The following CFAP54 variants were observed in gnomAD, a reference collection of about 807,000 sequenced individuals.
CFAP54 encodes the protein cilia- and flagella-associated protein 54.
A neutral mutation model predicts 370.4 loss-of-function variants in CFAP54; 290 were observed. The ratio of observed to expected loss-of-function variants is 0.78; its 90% confidence interval spans 0.71 to 0.86. The LOEUF is 0.86. Ranked by LOEUF, CFAP54 falls within the 40% of genes least tolerant of loss-of-function variation. CFAP54 has a pLI of 0.00. For missense variants in CFAP54, 3,399 were observed against 3,528.7 expected, an observed-to-expected ratio of 0.96 and a Z score of 0.93; for synonymous variants, 1,206 against 1,236.5, an observed-to-expected ratio of 0.98 and a Z score of 0.52.
At chr12:96,869,187 T>G (rs1463410251) in intron 67 of CFAP54, among the ~76,000 whole-genome samples, 1 of 152,242 alleles carries the variant, frequency 6.6e-6, no homozygotes, top group African/African-American at 2.4e-5. Flanking sequence ...GGAATGTTTT[T>G]ATTGACCTTA....
intron 19 of CFAP54, among the ~76,000 whole-genome samples, chr12:96,569,704 G>T (rs989431148): frequency 6.6e-6 from 1 of 152,110 alleles, no homozygotes; most frequent in Non-Finnish European, 1.5e-5. Context: ...GATTTAGCAG[G>T]TTATTGTTTA....
chr12:96,812,233 A>G (rs1958935142), intron 64 of CFAP54, among the ~76,000 whole-genome samples: 1 of 152,214 alleles, frequency 6.6e-6, no homozygotes, highest in Non-Finnish European at 1.5e-5. Flanking sequence ...CTGTAGTTTC[A>G]GCGTGGTTAA....
chr12:96,828,906 T>G (rs1478774149), intron 65 of CFAP54, 108 bp from the exon 66 acceptor site: 1 of 549,008 alleles, frequency 1.8e-6, no homozygotes, highest in Non-Finnish European at 3.1e-6. Context: ...GGAACAAAGG[T>G]TAGGTAATGA....
At chr12:96,515,902 T>G (rs144288363) in intron 5 of CFAP54, among the ~76,000 whole-genome samples, 66 of 148,466 alleles carry the variant, frequency 4.4e-4, no homozygotes, top group African/African-American at 1.6e-3. Flanking sequence ...GGTGCTGTCA[T>G]TACCTCTATG....
At chr12:96,499,947 AAAAACAAAACAAAACAAAAC>A (rs147160957) in intron 1 of CFAP54, among the ~76,000 whole-genome samples, 1 of 148,684 alleles carries the variant, frequency 6.7e-6, no homozygotes, top group East Asian at 2.0e-4. Flanking sequence ...ACTCCATCTC[AAAAACAAAACAAAACAAAAC>A]AAAACAAAAC....
rs935481384 is a variant in CFAP54, at chr12:96,521,941, C to T, written c.1027C>T (p.Arg343Ter). Reference protein sequence around the residue: ...MSSSKSQEESRRYFREATMKM... With the variant: ...MSSSKSQEES ...TTCCTCAAAATCCCAGGAAGAATCG[C>T]GAAGATATTTTCGAGAGGCCACAAT... The change falls in exon 7 of 68, where the codon CGA becomes TGA. Residue 343 changes from arginine (R) to a stop codon, truncating the protein, a stop_gained. Transcript: ENST00000524981. LOFTEE classifies it high-confidence loss of function. 9 of 1,533,914 alleles carry T rather than the reference C, an allele frequency of 5.9e-6. No homozygotes were observed. The highest frequency in any genetic ancestry group is 4.9e-5 in the East Asian group (2 of 40,854).
chr12:96,622,933 G>T (rs990023130), intron 27 of CFAP54, among the ~76,000 whole-genome samples: 1 of 151,926 alleles, frequency 6.6e-6, no homozygotes, highest in Non-Finnish European at 1.5e-5. Context: ...CAATATGAGG[G>T]TTTTGTTTGT....
chr12:96,616,891 G>T (rs1226612343), intron 26 of CFAP54, among the ~76,000 whole-genome samples: 1 of 152,154 alleles, frequency 6.6e-6, no homozygotes, highest in Admixed American at 6.5e-5. Context: ...AATTGTTCTT[G>T]TTGTACAACA....
At chr12:96,498,212 G>A (rs935280676) in intron 1 of CFAP54, among the ~76,000 whole-genome samples, 5 of 152,170 alleles carry the variant, frequency 3.3e-5, no homozygotes, top group Non-Finnish European at 7.3e-5. Flanking sequence ...AGTGAGCAAA[G>A]TCAATTCAGT....
chr12:96,580,511 T>A, intron 20 of CFAP54, 86 bp from the exon 21 acceptor site: 1 of 689,636 alleles, frequency 1.5e-6, no homozygotes, highest in Non-Finnish European at 2.2e-6. Context: ...ACCTGAATCA[T>A]TACATTTTTA....
intron 9 of CFAP54, among the ~76,000 whole-genome samples, chr12:96,532,467 A>G (rs1422763088): frequency 6.6e-6 from 1 of 152,168 alleles, no homozygotes; most frequent in Non-Finnish European, 1.5e-5. Flanking sequence ...AGTTTTAGAT[A>G]AGAATTTCCT....
intron 59 of CFAP54, among the ~76,000 whole-genome samples, chr12:96,764,792 T>C (rs1402055672): frequency 6.6e-6 from 1 of 152,226 alleles, no homozygotes; most frequent in Non-Finnish European, 1.5e-5. Flanking sequence ...TATACATGTG[T>C]ACATATTTGA....
At chr12:96,741,677 G>T (rs958254224) in intron 51 of CFAP54, among the ~76,000 whole-genome samples, 2 of 152,130 alleles carry the variant, frequency 1.3e-5, no homozygotes, top group African/African-American at 4.8e-5. Context: ...TAGTGTCTAC[G>T]ATGGACTCCA....
intron 35 of CFAP54, 119 bp downstream of exon 35, chr12:96,650,191 G>T: frequency 1.1e-6 from 1 of 869,910 alleles, no homozygotes; most frequent in Non-Finnish European, 1.7e-6. Flanking sequence ...GTGACTTTGA[G>T]ATCTCATCTT....
At chr12:96,569,071 A>T (rs1955888011) in intron 19 of CFAP54, among the ~76,000 whole-genome samples, 1 of 103,370 alleles carries the variant, frequency 9.7e-6, no homozygotes. Flanking sequence ...TTCTGGTCAA[A>T]TATAGTATCA....
At chr12:96,560,339 A>AT (rs1378310492) in intron 17 of CFAP54, among the ~76,000 whole-genome samples, 1 of 151,700 alleles carries the variant, frequency 6.6e-6, no homozygotes, top group Non-Finnish European at 1.5e-5. Context: ...GAGGTAAACT[A>AT]TTTTTTTTAG....
At chr12:96,853,067 C>T (rs1565761770) in intron 66 of CFAP54, among the ~76,000 whole-genome samples, 1 of 151,982 alleles carries the variant, frequency 6.6e-6, no homozygotes, top group African/African-American at 2.4e-5. Flanking sequence ...TTTTAGATAT[C>T]AGCTTAAAGA....
intron 9 of CFAP54, among the ~76,000 whole-genome samples, chr12:96,533,244 G>A (rs12231902): frequency 0.28 from 42,568 of 151,850 alleles, 6,231 homozygotes; most frequent in South Asian, 0.38. Flanking sequence ...GAGACTATAG[G>A]TGCACGCCAA....
At chr12:96,547,645 T>G (rs990518548) in intron 14 of CFAP54, among the ~76,000 whole-genome samples, 1 of 152,254 alleles carries the variant, frequency 6.6e-6, no homozygotes, top group Non-Finnish European at 1.5e-5. Context: ...AGTCAAATTC[T>G]AGTGTTGAAT....
Sources: allele counts gnomAD v4.1 joint callset (sites outside exome capture counted in the v4.1 genomes callset), GRCh38; gene constraint gnomAD v4.1.1; transcripts MANE v1.5; gene names NCBI Gene and HGNC (gene_info 2026-07-23, HGNC 2026-07-21).